COL9A1: variants seen among roughly 807,000 people sequenced by gnomAD.
The protein encoded by COL9A1 is collagen type IX alpha 1 chain.
A neutral mutation model predicts 142.6 loss-of-function variants in COL9A1; 104 were observed. The ratio of observed to expected loss-of-function variants is 0.73; its 90% CI spans 0.62 to 0.86. The LOEUF (loss-of-function observed/expected upper bound fraction) is 0.86. Ranked by LOEUF, COL9A1 falls within the 40% of genes least tolerant of loss-of-function variation. The probability of loss-of-function intolerance (pLI) is 0.00; values close to 1 mark genes in which losing one functional copy is unlikely to be tolerated. For synonymous variants in COL9A1, 466 were observed against 396.0 expected (o/e 1.18, Z -2.10); for missense variants, 1,210 against 1,176.6 (o/e 1.03, Z -0.42).
chr6:70,257,356 G>T (rs1771386152), intron 20 of COL9A1, among the ~76,000 whole-genome samples: 1 of 152,118 alleles, frequency 6.6e-6, no homozygotes. Flanking sequence ...ACTGCACCCA[G>T]CCCAGTCTGT....
chr6:70,232,966 C>T (rs2127557929), intron 35 of COL9A1, among the ~76,000 whole-genome samples, 195 bp from the exon 36 acceptor site: 1 of 152,206 alleles, frequency 6.6e-6, no homozygotes, highest in Admixed American at 6.5e-5. Context: ...CTGTTTGATG[C>T]AGCTCTCCCT....
At chr6:70,255,411 G>A in intron 21 of COL9A1, 21 bp from the exon 22 acceptor site, 1 of 1,609,912 alleles carries the variant, frequency 6.2e-7, no homozygotes, top group Non-Finnish European at 8.5e-7. Flanking sequence ...ATAAAATTTT[G>A]TTAATACAAG....
intron 18 of COL9A1, 56 bp from the exon 19 acceptor site, chr6:70,263,353 C>T: frequency 6.7e-7 from 1 of 1,487,884 alleles, no homozygotes; most frequent in Non-Finnish European, 9.3e-7. Context: ...AGCAAACGAA[C>T]ATAGAAATAG....
chr6:70,302,200 ATTTC>A, intron 1 of COL9A1, 126 bp from the exon 2 acceptor site: 14 of 467,936 alleles, frequency 3.0e-5, no homozygotes, highest in South Asian at 7.1e-5. Flanking sequence ...TTTTTTTTTC[ATTTC>A]TTTTTTTTTT....
intron 18 of COL9A1, among the ~76,000 whole-genome samples, chr6:70,263,639 C>T (rs1158259118): frequency 4.0e-5 from 6 of 151,896 alleles, no homozygotes; most frequent in Non-Finnish European, 2.9e-5. Flanking sequence ...AGTAAAGTTA[C>T]TCATTTATGT....
At chr6:70,279,648 CA>C (rs57993118) in intron 10 of COL9A1, 222 of 58,240 alleles carry the variant, frequency 3.8e-3, no homozygotes, top group Middle Eastern at 0.013. Flanking sequence ...AACTTCGTCT[CA>C]AAAAAAAAAA....
Position 70,254,976 on chromosome 6 carries a change from A to T in COL9A1, c.1652T>A (p.Met551Lys), listed in dbSNP as rs1771184459. 1 of 1,614,184 alleles carries T rather than the reference A, an allele frequency of 6.2e-7. No homozygotes were observed. The highest frequency in any genetic ancestry group is 8.5e-7 in the Non-Finnish European group (1 of 1,180,018). Residue 551 changes from methionine to lysine, a missense_variant, in exon 24 of 38, where the codon ATG (methionine) becomes AAG (lysine). Coordinates refer to ENST00000357250, the MANE Select transcript of COL9A1 (RefSeq NM_001851.6). ...GVDGRDGIPGMPGTKGEPGKP... is the reference protein window; with the variant it reads ...GVDGRDGIPGKPGTKGEPGKP... ...TACACAGCCTACCTTTGTTCCAGGC[A>T]TTCCAGGGATCCCATCACGGCCATC... is the stretch of plus-strand genomic sequence containing the variant.
Position 70,232,567 on chromosome 6 carries a change from G to A in COL9A1, c.2503+16C>T. 3 of 1,612,964 alleles carry A rather than the reference G, an allele frequency of 1.9e-6. No individual in the cohort carries two copies. Among genetic ancestry groups the A allele is most frequent in the Non-Finnish European group, 1.7e-6 (2 of 1,179,740 alleles). On this transcript the variant is annotated intron_variant, in intron 36 of 37. Transcript: ENST00000357250. ...AAGGTTGTGTTCTTTGGTTCCACATGGGCAAGATGACTTACCTTTAGGTCC... is the reference window on the plus strand; with the variant it reads ...AAGGTTGTGTTCTTTGGTTCCACATAGGCAAGATGACTTACCTTTAGGTCC...
intron 13 of COL9A1, 93 bp from the exon 14 acceptor site, chr6:70,271,801 T>C (rs1772420172): frequency 7.8e-7 from 1 of 1,286,804 alleles, no homozygotes; most frequent in Non-Finnish European, 1.1e-6. Flanking sequence ...TAGATTTACA[T>C]TTCTGTATTA....
chr6:70,280,098 T>A, intron 10 of COL9A1: 1 of 636,722 alleles, frequency 1.6e-6, no homozygotes, highest in South Asian at 2.0e-5. Context: ...TCTGAAGAAG[T>A]ATTATTTAGT....
intron 6 of COL9A1, chr6:70,283,162 C>A (rs912887875): frequency 1.0e-4 from 156 of 1,511,060 alleles, no homozygotes; most frequent in Non-Finnish European, 9.7e-5. Flanking sequence ...AGAAAAAGCA[C>A]CCCCGGGAGT....
intron 26 of COL9A1, chr6:70,253,125 A>T (rs1771057954): frequency 2.7e-6 from 1 of 371,622 alleles, no homozygotes; most frequent in Non-Finnish European, 5.1e-6. Flanking sequence ...GTAGTAAGGA[A>T]CAATAAAATT....
At chr6:70,250,762 T>A (rs1157893208) in intron 28 of COL9A1, among the ~76,000 whole-genome samples, 1 of 152,226 alleles carries the variant, frequency 6.6e-6, no homozygotes, top group Non-Finnish European at 1.5e-5. Context: ...AAATAAGAAC[T>A]GAAACTGAAG....
At position 70,294,778 on chromosome 6, in the gene COL9A1, T is replaced by A. The variant is rs570592805; in HGVS notation, c.300-215A>T. Among the ~76,000 whole-genome samples the A allele has an allele frequency of 3.9e-5, 6 of 152,296 alleles. No homozygotes were observed. In the East Asian group the frequency reaches 5.8e-4, roughly 15 times the overall value. On this transcript the variant is annotated intron_variant, in intron 4 of 37. Coordinates refer to ENST00000357250, the MANE Select transcript of COL9A1 (RefSeq NM_001851.6). The stretch of plus-strand genomic sequence containing the variant: ...TTCATGGTCCGTCTTAAATTACACA[T>A]TTTAAAAACACCCTCCCTCATGGCT...
intron 37 of COL9A1, among the ~76,000 whole-genome samples, chr6:70,218,286 G>T (rs890564862): frequency 6.6e-6 from 1 of 152,122 alleles, no homozygotes; most frequent in Non-Finnish European, 1.5e-5. Flanking sequence ...TCTCATGAAG[G>T]GCTGACCCCA....
intron 37 of COL9A1, among the ~76,000 whole-genome samples, chr6:70,220,553 TAGAAATACCAG>T (rs529376743): frequency 4.0e-4 from 61 of 151,442 alleles, no homozygotes; most frequent in African/African-American, 1.4e-3. Flanking sequence ...TTTTGCCCTG[TAGAAATACCAG>T]AGAAAAAAAA....
At chr6:70,283,166 C>A (rs1043186674) in intron 6 of COL9A1, 2 of 1,504,256 alleles carry the variant, frequency 1.3e-6, no homozygotes, top group Admixed American at 2.1e-5. Flanking sequence ...AAAGCACCCC[C>A]GGGAGTAGCG....
At chr6:70,249,944 A>G (rs999223290) in intron 28 of COL9A1, among the ~76,000 whole-genome samples, 1 of 152,148 alleles carries the variant, frequency 6.6e-6, no homozygotes, top group Non-Finnish European at 1.5e-5. Context: ...TCCTTTAACT[A>G]TATAGAGCTT....
At chr6:70,263,163 TA>T in intron 19 of COL9A1, 80 bp downstream of exon 19, 1 of 1,191,398 alleles carries the variant, frequency 8.4e-7, no homozygotes, top group Non-Finnish European at 1.2e-6. Flanking sequence ...ATCCAACTGC[TA>T]AATAGAAAAT....
Sources: gnomAD v4.1 joint callset for allele counts (sites outside exome capture counted in the v4.1 genomes callset) on GRCh38, gnomAD v4.1.1 for gene constraint, MANE v1.5 for transcripts, NCBI Gene and HGNC (gene_info 2026-07-23, HGNC 2026-07-21) for gene names.